The following SLC20A2 variants were observed in gnomAD, a reference collection of about 807,000 sequenced individuals.
The protein encoded by SLC20A2 is solute carrier family 20 member 2.
In SLC20A2, 30 loss-of-function variants were observed where a neutral mutation model predicts 61.0. That is an observed-to-expected ratio of 0.49 (90% confidence interval 0.37 to 0.67). The LOEUF (loss-of-function observed/expected upper bound fraction) is 0.67, where lower values mean the gene tolerates loss of function less well. Ranked by LOEUF, SLC20A2 falls within the 30% of genes least tolerant of loss-of-function variation. SLC20A2 has a pLI of 0.00. For synonymous variants in SLC20A2, 351 were observed against 353.3 expected, an observed-to-expected ratio of 0.99 and a Z score of 0.07; for missense variants, 626 against 866.4, an observed-to-expected ratio of 0.72 and a Z score of 3.48.
intron 1 of SLC20A2, among the ~76,000 whole-genome samples, chr8:42,476,833 G>A (rs557820986): frequency 6.6e-6 from 1 of 152,170 alleles, no homozygotes; most frequent in Non-Finnish European, 1.5e-5. Context: ...CTCCTGCGTG[G>A]AGAAGGGCAA....
chr8:42,525,581 C>CAAAAAAAAAAAAAAAAA (rs34356863), intron 1 of SLC20A2, among the ~76,000 whole-genome samples: 1 of 68,722 alleles, frequency 1.5e-5, no homozygotes, highest in East Asian at 4.1e-4. Flanking sequence ...GACTCTGTCT[C>CAAAAAAAAAAAAAAAAA]AAAAAAAAAA....
At chr8:42,458,495 C>T (rs995437348) in intron 5 of SLC20A2, among the ~76,000 whole-genome samples, 4 of 151,484 alleles carry the variant, frequency 2.6e-5, no homozygotes, top group African/African-American at 9.7e-5. Flanking sequence ...TGGTGGCACA[C>T]ACCTGTGGTT....
upstream of SLC20A2, among the ~76,000 whole-genome samples, chr8:42,504,849 T>C (rs1365608334): frequency 1.4e-4 from 2 of 14,700 alleles, no homozygotes; most frequent in Non-Finnish European, 2.4e-4. Flanking sequence ...CAAGACTCCG[T>C]CTCAAAAAAA....
At chr8:42,418,783 G>A (rs1563431919) in intron 10 of SLC20A2, among the ~76,000 whole-genome samples, 1 of 151,858 alleles carries the variant, frequency 6.6e-6, no homozygotes, top group East Asian at 2.0e-4. Context: ...CGGATCACGA[G>A]GTCAGGAGAT....
chr8:42,423,177 T>G (rs1039825379), intron 10 of SLC20A2, among the ~76,000 whole-genome samples: 26 of 152,156 alleles, frequency 1.7e-4, no homozygotes, highest in African/African-American at 6.3e-4. Flanking sequence ...CCAAGAAAGC[T>G]ATCCTTGTAT....
At chr8:42,514,804 C>A (rs1407457693) in intron 1 of SLC20A2, among the ~76,000 whole-genome samples, 2 of 150,392 alleles carry the variant, frequency 1.3e-5, no homozygotes, top group African/African-American at 4.9e-5. Context: ...GAAACATGCA[C>A]GTATGTCAAA....
intron 1 of SLC20A2, among the ~76,000 whole-genome samples, chr8:42,492,822 C>T (rs565294767): frequency 1.3e-3 from 205 of 152,160 alleles, no homozygotes; most frequent in African/African-American, 4.7e-3. Context: ...GGACTACAGG[C>T]GCCTGTCACC....
intron 5 of SLC20A2, among the ~76,000 whole-genome samples, chr8:42,447,796 C>T (rs1805344638): frequency 6.6e-6 from 1 of 152,180 alleles, no homozygotes; most frequent in African/African-American, 2.4e-5. Context: ...TCCAGAATCA[C>T]CTAGCACAGT....
intron 1 of SLC20A2, among the ~76,000 whole-genome samples, chr8:42,515,990 G>A (rs565756180): frequency 1.3e-5 from 2 of 152,324 alleles, no homozygotes; most frequent in East Asian, 3.9e-4. Flanking sequence ...TGCTATGCAA[G>A]TCAGAAGCCA....
At chr8:42,426,682 G>A (rs1421991895) in intron 10 of SLC20A2, among the ~76,000 whole-genome samples, 2 of 151,150 alleles carry the variant, frequency 1.3e-5, no homozygotes, top group Non-Finnish European at 2.9e-5. Context: ...ATGAGAGTGA[G>A]ACTCCATCTC....
At chr8:42,450,216 AT>A (rs1012119680) in intron 5 of SLC20A2, among the ~76,000 whole-genome samples, 29 of 148,876 alleles carry the variant, frequency 1.9e-4, no homozygotes, top group African/African-American at 1.5e-4. Context: ...GGTACCAAGT[AT>A]TTTTTTTTCG....
At chr8:42,461,454 CT>C (rs752764620) in intron 4 of SLC20A2, among the ~76,000 whole-genome samples, 532 of 138,798 alleles carry the variant, frequency 3.8e-3, no homozygotes, top group Admixed American at 4.3e-3. Flanking sequence ...TTTCAAATAT[CT>C]TTTTTTTTTT....
intron 4 of SLC20A2, among the ~76,000 whole-genome samples, chr8:42,462,713 A>G (rs553735032): frequency 1.3e-5 from 2 of 152,268 alleles, no homozygotes; most frequent in African/African-American, 2.4e-5. Flanking sequence ...TTCAGGAAAT[A>G]ATTACCTTTC....
chr8:42,474,122 G>A (rs1202249140), intron 1 of SLC20A2, among the ~76,000 whole-genome samples: 1 of 152,072 alleles, frequency 6.6e-6, no homozygotes, highest in African/African-American at 2.4e-5. Context: ...AGTGAGCCAA[G>A]ATCATGCCAC....
At chr8:42,493,919 A>ACTG (rs1218057190) in intron 1 of SLC20A2, among the ~76,000 whole-genome samples, 1 of 152,152 alleles carries the variant, frequency 6.6e-6, no homozygotes, top group Non-Finnish European at 1.5e-5. Context: ...GCAAGGCAGG[A>ACTG]CTGCTTTAGT....
chr8:42,424,341 G>C lies in SLC20A2; in HGVS notation c.1794+4417C>G, dbSNP rs554221069. On this transcript the variant is annotated intron_variant, in intron 10 of 10. Transcript: ENST00000520262. ...TTTTTGGGGGGTGCGGGGGGGGATA[G>C]TTTTGCTCTTGTTGCCCAGGCTGAA... 8.0e-4 allele frequency among the ~76,000 whole-genome samples: 122 copies of C among 152,006 alleles called. 1 individual carries two copies. Among genetic ancestry groups the C allele is most frequent in the Non-Finnish European group, 1.5e-3 (104 of 67,954 alleles).
intron 1 of SLC20A2, among the ~76,000 whole-genome samples, chr8:42,474,408 AGTT>A (rs1211124076): frequency 6.6e-6 from 1 of 152,188 alleles, no homozygotes; most frequent in Non-Finnish European, 1.5e-5. Context: ...ATACATTGAT[AGTT>A]GTTATCATTT....
At chr8:42,477,381 C>G (rs1808200904) in intron 1 of SLC20A2, among the ~76,000 whole-genome samples, 1 of 152,074 alleles carries the variant, frequency 6.6e-6, no homozygotes, top group African/African-American at 2.4e-5. Flanking sequence ...AGCCTCCTCC[C>G]TTAGACCTGC....
intron 2 of SLC20A2, among the ~76,000 whole-genome samples, chr8:42,468,144 C>T (rs957059572): frequency 6.6e-6 from 1 of 152,026 alleles, no homozygotes; most frequent in African/African-American, 2.4e-5. Context: ...CCTCATGATC[C>T]GCCTGCCTCG....
Sources: gnomAD v4.1 joint callset for allele counts (sites outside exome capture counted in the v4.1 genomes callset) on GRCh38, gnomAD v4.1.1 for gene constraint, MANE v1.5 for transcripts, NCBI Gene and HGNC (gene_info 2026-07-23, HGNC 2026-07-21) for gene names.